SLC8A2: variants seen among roughly 807,000 people sequenced by gnomAD.
SLC8A2 encodes solute carrier family 8 member A2.
Under a neutral mutation model 70.2 loss-of-function variants are expected in SLC8A2, and 14 were observed. The observed-to-expected ratio is 0.20, with a 90% CI of 0.13 to 0.31. The LOEUF (loss-of-function observed/expected upper bound fraction) is 0.31, where lower values mean the gene tolerates loss of function less well. Among genes scored for constraint, SLC8A2 ranks in the 10% least tolerant of loss-of-function variants. The pLI is 1.00. For synonymous variants in SLC8A2, 575 were observed against 594.3 expected (o/e 0.97, Z 0.47); for missense variants, 779 against 1,320.1 (o/e 0.59, Z 6.35).
At chr19:47,464,009 G>C (rs183486013) in intron 2 of SLC8A2, among the ~76,000 whole-genome samples, 95 of 152,312 alleles carry the variant, frequency 6.2e-4, no homozygotes, top group African/African-American at 2.2e-3. Context: ...CAGGTGCATG[G>C]ATCAAACTCT....
At position 47,448,061 on chromosome 19, in the gene SLC8A2, C is replaced by G; in HGVS notation, c.1511G>C (p.Gly504Ala). Residue 504 changes from glycine to alanine, a missense_variant, in exon 4 of 10, where the codon GGG becomes GCG. By Grantham distance (60) the Gly-to-Ala change is moderately conservative. This residue lies in a region of SLC8A2 where 247 missense variants were observed against 362.8 expected (regional missense o/e 0.68). Coordinates refer to ENST00000236877, the MANE Select transcript of SLC8A2 (RefSeq NM_015063.3). This position sits in a 1 kb window ranked among gnomAD's most constrained non-coding sequence, Gnocchi z 4.8. ...GGCCAGCAGCGGCGCCACCAGCCGC[C>G]CCTTGGGCCGCCCGCCGCCGTCCGG... is the stretch of plus-strand genomic sequence containing the variant. Reference protein sequence around the residue: ...FEPDGGGRPKGRLVAPLLATV... With the variant: ...FEPDGGGRPKARLVAPLLATV... 6.3e-7 allele frequency: 1 copy of G among 1,584,274 alleles called. No individual in the cohort carries two copies. Among genetic ancestry groups the G allele is most frequent in the Non-Finnish European group, 8.6e-7 (1 of 1,164,958 alleles).
intron 3 of SLC8A2, among the ~76,000 whole-genome samples, chr19:47,449,378 A>G (rs1427046951): frequency 6.6e-6 from 1 of 152,132 alleles, no homozygotes; most frequent in Non-Finnish European, 1.5e-5. Context: ...ACTGGAGTGC[A>G]GTGTCTCCAT....
At chr19:47,459,504 ATC>A (rs1356076397) in intron 2 of SLC8A2, among the ~76,000 whole-genome samples, 1 of 149,704 alleles carries the variant, frequency 6.7e-6, no homozygotes, top group South Asian at 2.1e-4. Flanking sequence ...CTTGCTCCCC[ATC>A]TCTGTGTGTG....
rs1453958486 is a variant in SLC8A2, at chr19:47,468,286, C to T, written c.-16-1867G>A. Among the ~76,000 whole-genome samples the T allele has an allele frequency of 6.6e-6, 1 of 152,184 alleles. No individual in the cohort carries two copies. Among genetic ancestry groups the T allele is most frequent in the African/African-American group, 2.4e-5 (1 of 41,528 alleles). On this transcript the variant is annotated intron_variant, in intron 1 of 9. Coordinates refer to ENST00000236877, the MANE Select transcript of SLC8A2 (RefSeq NM_015063.3). This position sits in a 1 kb window ranked among gnomAD's most constrained non-coding sequence, Gnocchi z 5.1. ...CTGGCACCTGCTGTTCCCCCTTCCTCGAACACGCTTCTCTATTTATGTATT... is the reference window on the plus strand; with the variant it reads ...CTGGCACCTGCTGTTCCCCCTTCCTTGAACACGCTTCTCTATTTATGTATT...
intron 3 of SLC8A2, among the ~76,000 whole-genome samples, chr19:47,455,718 G>T (rs1009312679): frequency 1.1e-4 from 17 of 152,204 alleles, no homozygotes; most frequent in African/African-American, 4.1e-4. Flanking sequence ...GATGAATTTT[G>T]TGGGCCACAT....
intron 8 of SLC8A2, among the ~76,000 whole-genome samples, chr19:47,434,091 C>T (rs115448553): frequency 0.013 from 2,047 of 152,328 alleles, 45 homozygotes; most frequent in African/African-American, 0.046. Context: ...CTCATGAGAA[C>T]GAACGTAGCT....
chr19:47,457,093 C>T lies in SLC8A2; in HGVS notation c.1177G>A (p.Ala393Thr), dbSNP rs901079685. The stretch of plus-strand genomic sequence containing the variant: ...CTAGGCTCGAAGAAGATGCGGCTGG[C>T]GCCGTCGTCTTCGTCCTCGCCCGCG... ...EGAGEDEDDGASRIFFEPSLY... is the reference protein window; with the variant it reads ...EGAGEDEDDGTSRIFFEPSLY... Residue 393 changes from alanine to threonine, a missense_variant, in exon 3 of 10, where the codon GCC becomes ACC. This residue lies in a region of SLC8A2 where 186 missense variants were observed against 246.6 expected (regional missense o/e 0.75). Transcript: ENST00000236877. The T allele has an allele frequency of 3.8e-6, 6 of 1,566,038 alleles. No homozygotes were observed. Among genetic ancestry groups the T allele is most frequent in the Non-Finnish European group, 5.2e-6 (6 of 1,156,598 alleles).
Position 47,430,698 on chromosome 19 carries a change from C to T in SLC8A2, c.2390-233G>A, listed in dbSNP as rs1400430072. ...CCTGCCGCCTGCTTTCTGTGGGATT[C>T]ATTCTCTTCTATGGGACTCACTGCG... is the stretch of plus-strand genomic sequence containing the variant. On this transcript the variant is annotated intron_variant, in intron 9 of 9. Coordinates refer to ENST00000236877, the MANE Select transcript of SLC8A2 (RefSeq NM_015063.3). This position sits in a 1 kb window ranked among gnomAD's most constrained non-coding sequence, Gnocchi z 5.9. 6.6e-6 allele frequency among the ~76,000 whole-genome samples: 1 copy of T among 152,228 alleles called. No individual in the cohort carries two copies. The highest frequency in any genetic ancestry group is 2.4e-5 in the African/African-American group (1 of 41,468).
chr19:47,437,204 G>T (rs1318798927), intron 8 of SLC8A2, among the ~76,000 whole-genome samples: 1 of 134,214 alleles, frequency 7.5e-6, no homozygotes, highest in East Asian at 2.0e-4. Context: ...TCTCCTGCTT[G>T]TATTTTTTTT....
chr19:47,442,470 T>C (rs2122623828), intron 4 of SLC8A2, among the ~76,000 whole-genome samples: 1 of 152,330 alleles, frequency 6.6e-6, no homozygotes. Context: ...TTGCTATTCC[T>C]TGAACAAGCC....
Position 47,448,139 on chromosome 19 carries a change from A to T in SLC8A2, c.1433T>A (p.Phe478Tyr). The change falls in exon 4 of 10, where the codon TTC becomes TAC. Residue 478 changes from phenylalanine to tyrosine, a missense_variant. Phe to Tyr is a conservative substitution (Grantham distance 22, BLOSUM62 3). Around this residue, in one of 6 missense-constraint regions of SLC8A2, gnomAD observed 247 missense variants for 362.8 expected, o/e 0.68. Transcript: ENST00000236877. The surrounding 1 kb of genome is among the most constrained non-coding windows in gnomAD (Gnocchi z 4.8). ...GCGCAGGTTCAGCAGCCGCACGAAG[A>T]AATGCTCGTCCTCCTCGAAGATGTC... Reference protein sequence around the residue: ...DDDIFEEDEHFFVRLLNLRVG... With the variant: ...DDDIFEEDEHYFVRLLNLRVG... The T allele has an allele frequency of 6.2e-7, 1 of 1,612,902 alleles. No homozygotes were observed. Among genetic ancestry groups the T allele is most frequent in the Non-Finnish European group, 8.5e-7 (1 of 1,179,742 alleles).
intron 3 of SLC8A2, among the ~76,000 whole-genome samples, chr19:47,454,947 T>G (rs553200367): frequency 1.3e-5 from 2 of 151,858 alleles, no homozygotes; most frequent in African/African-American, 4.8e-5. Flanking sequence ...ATTAGCTGGG[T>G]GTGGTGGTGG....
chr19:47,459,656 T>C (rs1005948631), intron 2 of SLC8A2, among the ~76,000 whole-genome samples: 1 of 151,686 alleles, frequency 6.6e-6, no homozygotes, highest in Non-Finnish European at 1.5e-5. Flanking sequence ...TGTGTGTGTG[T>C]CCTTCTGTGT....
rs112566241 is a variant in SLC8A2 at position 47,432,576 on chromosome 19, C to T, written c.2111-131G>A. On this transcript the variant is annotated intron_variant, in intron 8 of 9. Coordinates refer to ENST00000236877, the MANE Select transcript of SLC8A2 (RefSeq NM_015063.3). The surrounding 1 kb of genome is among the most constrained non-coding windows in gnomAD (Gnocchi z 6.2). Reference sequence around the variant, plus strand: ...TCTTTCCCAGAATCCCTTGCACCTACCTGTGGCCAAGTCAACTGCTAAAAA... The same window carrying T: ...TCTTTCCCAGAATCCCTTGCACCTATCTGTGGCCAAGTCAACTGCTAAAAA... The T allele has an allele frequency of 1.6e-3, 1,416 of 899,436 alleles. 17 individuals carry two copies. In the African/African-American group the frequency reaches 0.021, roughly 13 times the overall value. 55.7% of individuals were successfully genotyped at this position (899,436 alleles called of 1,614,324 possible). A position where few individuals can be genotyped will look rare whatever the true frequency, so the allele number is the denominator to read the frequency against.
chr19:47,462,147 A>T (rs1449929449), intron 2 of SLC8A2, among the ~76,000 whole-genome samples: 4 of 152,220 alleles, frequency 2.6e-5, no homozygotes, highest in Non-Finnish European at 4.4e-5. Flanking sequence ...GAAATGTCCC[A>T]TATGCCGTCT....
chr19:47,456,806 T>A, intron 3 of SLC8A2, 124 bp downstream of exon 3: 1 of 1,000,220 alleles, frequency 1.0e-6, no homozygotes, highest in Non-Finnish European at 1.4e-6. Context: ...AATGAATGAA[T>A]GAACAAATGA....
At chr19:47,438,230 C>T (rs1426383165) in intron 6 of SLC8A2, among the ~76,000 whole-genome samples, 1 of 152,108 alleles carries the variant, frequency 6.6e-6, no homozygotes. Flanking sequence ...TTAGGCAATA[C>T]CTGAGCCTCT....
chr19:47,447,608 AGCCCCGCCCACG>A lies in SLC8A2; in HGVS notation c.1763+189_1763+200del. The A allele has an allele frequency of 3.3e-6, 2 of 600,058 alleles. No homozygotes were observed. The highest frequency in any genetic ancestry group is 5.6e-6 in the Non-Finnish European group (2 of 360,092). 37.2% of individuals were successfully genotyped at this position (600,058 alleles called of 1,614,324 possible). A position where few individuals can be genotyped will look rare whatever the true frequency, so the allele number is the denominator to read the frequency against. On this transcript the variant is annotated intron_variant, in intron 4 of 9. Transcript: ENST00000236877. This position sits in a 1 kb window ranked among gnomAD's most constrained non-coding sequence, Gnocchi z 5.1. ...TCCTGAGGGCCCAGCTGTTCAGTGA[AGCCCCGCCCACG>A]TCGTGGGCATGGGTCACAGGCCCCG...
chr19:47,470,863 GGT>G (rs1967528274), intron 1 of SLC8A2, among the ~76,000 whole-genome samples: 1 of 152,120 alleles, frequency 6.6e-6, no homozygotes, highest in African/African-American at 2.4e-5. Context: ...GGAGAGCTGG[GGT>G]GGGTGCCGGC....
Sources: allele counts gnomAD v4.1 joint callset (sites outside exome capture counted in the v4.1 genomes callset), GRCh38; gene constraint gnomAD v4.1.1; regional missense constraint gnomAD v4.1.1; non-coding constraint Gnocchi (gnomAD v3.1); transcripts MANE v1.5; gene names NCBI Gene and HGNC (gene_info 2026-07-23, HGNC 2026-07-21).